The following SYT9 variants were observed in gnomAD, a reference collection of about 807,000 sequenced individuals.
The protein encoded by SYT9 is synaptotagmin-9.
A neutral mutation model predicts 48.4 loss-of-function variants in SYT9; 22 were observed. The observed-to-expected ratio is 0.45, with a 90% CI of 0.32 to 0.65. SYT9 has a LOEUF of 0.65. Ranked by LOEUF, SYT9 falls within the 30% of genes least tolerant of loss-of-function variation. The pLI is 0.03. For missense variants in SYT9, 577 were observed against 622.0 expected (o/e 0.93, Z 0.77); for synonymous variants, 265 against 245.0 (o/e 1.08, Z -0.76).
intron 1 of SYT9, among the ~76,000 whole-genome samples, chr11:7,285,340 A>C (rs77850224): frequency 1.3e-5 from 2 of 152,326 alleles, no homozygotes; most frequent in East Asian, 3.9e-4. Context: ...AGCAGCAAGA[A>C]GAAGTGCAGA....
At chr11:7,464,716 A>G (rs926415852) in intron 6 of SYT9, among the ~76,000 whole-genome samples, 5 of 152,154 alleles carry the variant, frequency 3.3e-5, no homozygotes, top group African/African-American at 1.2e-4. Context: ...GCAAACTGAT[A>G]TGGGTATGGG....
chr11:7,373,037 A>G (rs1236458698), intron 3 of SYT9, among the ~76,000 whole-genome samples: 1 of 152,116 alleles, frequency 6.6e-6, no homozygotes, highest in South Asian at 2.1e-4. Flanking sequence ...ATGATTTATT[A>G]TATTCCTAGT....
chr11:7,461,058 C>T (rs928340023), intron 6 of SYT9, among the ~76,000 whole-genome samples: 32 of 152,042 alleles, frequency 2.1e-4, no homozygotes, highest in Admixed American at 5.2e-4. Flanking sequence ...TTGGCTTCTG[C>T]TTGCTGTACT....
At chr11:7,286,816 G>A (rs7129426) in intron 1 of SYT9, among the ~76,000 whole-genome samples, 11,591 of 152,054 alleles carry the variant, frequency 0.076, 601 homozygotes, top group African/African-American at 0.14. Flanking sequence ...CAAGTTCCCC[G>A]TCTCTATCTA....
intron 3 of SYT9, among the ~76,000 whole-genome samples, chr11:7,353,653 T>C (rs1038527545): frequency 6.6e-6 from 1 of 152,334 alleles, no homozygotes; most frequent in East Asian, 1.9e-4. Context: ...TTAGAGTTCA[T>C]TGTACTTCTT....
intron 3 of SYT9, among the ~76,000 whole-genome samples, chr11:7,339,138 T>C (rs1849674618): frequency 6.6e-6 from 1 of 152,184 alleles, no homozygotes; most frequent in Non-Finnish European, 1.5e-5. Context: ...TTTGTTGTTT[T>C]AAAGTCTGTT....
At chr11:7,364,821 T>C (rs1034469737) in intron 3 of SYT9, among the ~76,000 whole-genome samples, 1 of 152,116 alleles carries the variant, frequency 6.6e-6, no homozygotes, top group Admixed American at 6.5e-5. Flanking sequence ...AGGACTAAAA[T>C]AGAATTTGGG....
chr11:7,262,030 T>C (rs185067446), intron 1 of SYT9, among the ~76,000 whole-genome samples: 1 of 152,150 alleles, frequency 6.6e-6, no homozygotes, highest in East Asian at 1.9e-4. Context: ...AGGTTGAAGT[T>C]AGGGAGAGGA....
chr11:7,284,351 ATTCCTTT>A (rs1293660717), intron 1 of SYT9, among the ~76,000 whole-genome samples: 2 of 152,132 alleles, frequency 1.3e-5, no homozygotes, highest in African/African-American at 4.8e-5. Flanking sequence ...TCTTTCTTGA[ATTCCTTT>A]TTCCTTAATT....
rs57371051 is a variant in SYT9 at position 7,406,535 on chromosome 11, CATATATATATAT to C, written c.1045-9485_1045-9474del. 3.0e-3 allele frequency among the ~76,000 whole-genome samples: 411 copies of C among 135,334 alleles called. 1 individual carries two copies. Among genetic ancestry groups the C allele is most frequent in the African/African-American group, 6.2e-3 (222 of 35,960 alleles). 88.8% of individuals were successfully genotyped at this position (135,334 alleles called of 152,430 possible). On this transcript the variant is annotated intron_variant, in intron 3 of 6. Transcript: ENST00000318881. ...TATGGCTGAATAATGTTCAATTGCG[CATATATATATAT>C]ATATATATATATATATATATAGCAC... is the stretch of plus-strand genomic sequence containing the variant.
intron 6 of SYT9, among the ~76,000 whole-genome samples, chr11:7,428,283 T>C (rs747972481): frequency 4.6e-5 from 7 of 152,244 alleles, no homozygotes; most frequent in Non-Finnish European, 1.0e-4. Flanking sequence ...CTTGCTCCAG[T>C]AGTCACTGCC....
chr11:7,455,140 G>C (rs890916623), intron 6 of SYT9, among the ~76,000 whole-genome samples: 4 of 151,324 alleles, frequency 2.6e-5, no homozygotes, highest in African/African-American at 9.7e-5. Context: ...ATAAAAGAAA[G>C]TTTCTTATCT....
intron 3 of SYT9, among the ~76,000 whole-genome samples, chr11:7,383,665 A>T (rs1564884502): frequency 6.6e-6 from 1 of 151,796 alleles, no homozygotes; most frequent in Non-Finnish European, 1.5e-5. Flanking sequence ...GCATAAAGAC[A>T]TTTTCTCATT....
chr11:7,432,582 A>T (rs867643870), intron 6 of SYT9, among the ~76,000 whole-genome samples: 245 of 3,352 alleles, frequency 0.073, 4 homozygotes, highest in African/African-American at 0.1. Flanking sequence ...AAAAAAAAAA[A>T]ATATATATAC....
chr11:7,465,529 TTTAAA>T (rs1458221511), intron 6 of SYT9, among the ~76,000 whole-genome samples: 1 of 152,140 alleles, frequency 6.6e-6, no homozygotes, highest in Non-Finnish European at 1.5e-5. Flanking sequence ...GTGCCCTGAG[TTTAAA>T]TTAAGTTGAA....
intron 3 of SYT9, among the ~76,000 whole-genome samples, chr11:7,413,182 G>A (rs144482651): frequency 6.6e-6 from 1 of 152,304 alleles, no homozygotes; most frequent in African/African-American, 2.4e-5. Context: ...TGTGCAGCAT[G>A]TGATTTGCTC....
At chr11:7,376,829 A>T (rs1564882270) in intron 3 of SYT9, among the ~76,000 whole-genome samples, 3 of 151,914 alleles carry the variant, frequency 2.0e-5, no homozygotes, top group Admixed American at 2.0e-4. Flanking sequence ...GCATACAGGG[A>T]TGGAAAGTAT....
intron 2 of SYT9, among the ~76,000 whole-genome samples, chr11:7,306,309 A>T (rs975625124): frequency 2.6e-5 from 4 of 152,152 alleles, no homozygotes; most frequent in Non-Finnish European, 4.4e-5. Context: ...AGTTCATCCT[A>T]TTTTTCTCAA....
chr11:7,357,917 T>C (rs1850052741), intron 3 of SYT9, among the ~76,000 whole-genome samples: 1 of 152,130 alleles, frequency 6.6e-6, no homozygotes, highest in African/African-American at 2.4e-5. Context: ...TATTTCTCCA[T>C]TGATTTAAGT....
Sources: allele counts gnomAD v4.1 joint callset (sites outside exome capture counted in the v4.1 genomes callset), GRCh38; gene constraint gnomAD v4.1.1; transcripts MANE v1.5; gene names NCBI Gene and HGNC (gene_info 2026-07-23, HGNC 2026-07-21).